The following TMEM132C variants were observed in gnomAD, a reference collection of about 807,000 sequenced individuals.
The protein encoded by TMEM132C is protein phosphatase 1, regulatory subunit 152.
A neutral mutation model predicts 61.4 loss-of-function variants in TMEM132C; 29 were observed. The observed-to-expected ratio is 0.47, with a 90% CI of 0.35 to 0.64. The LOEUF (loss-of-function observed/expected upper bound fraction) is 0.64, where lower values mean the gene tolerates loss of function less well. Ranked by LOEUF, TMEM132C falls within the 30% of genes least tolerant of loss-of-function variation. TMEM132C has a pLI of 0.00. For missense variants in TMEM132C, 1,408 were observed against 1,476.9 expected, an observed-to-expected ratio of 0.95 and a Z score of 0.76; for synonymous variants, 656 against 633.1, an observed-to-expected ratio of 1.04 and a Z score of -0.54.
At chr12:128,654,739 A>G (rs1357964002) in intron 4 of TMEM132C, among the ~76,000 whole-genome samples, 6 of 152,168 alleles carry the variant, frequency 3.9e-5, no homozygotes, top group Non-Finnish European at 5.9e-5. Context: ...GGTTTTAGAC[A>G]TGGATCTTAA....
intron 3 of TMEM132C, among the ~76,000 whole-genome samples, chr12:128,604,995 G>GATA (rs3044819): frequency 1 from 151,195 of 151,312 alleles, 75,539 homozygotes; most frequent in Middle Eastern, 1. Flanking sequence ...CGGATGGATA[G>GATA]ATAAATGGAC....
At chr12:128,553,514 G>A (rs1471375504) in intron 3 of TMEM132C, among the ~76,000 whole-genome samples, 1 of 151,978 alleles carries the variant, frequency 6.6e-6, no homozygotes, top group African/African-American at 2.4e-5. Flanking sequence ...ACTTAACGTT[G>A]CCAAAGTACT....
chr12:128,351,433 A>G (rs1172693325), intron 1 of TMEM132C, among the ~76,000 whole-genome samples: 2 of 152,194 alleles, frequency 1.3e-5, no homozygotes, highest in Non-Finnish European at 2.9e-5. Flanking sequence ...ATATATTGAT[A>G]TATATGAATG....
rs1350074232 is a variant in TMEM132C at position 128,693,814 on chromosome 12, CCTCT to C, written c.1450-14_1450-11del. 1.3e-6 allele frequency: 2 copies of C among 1,551,650 alleles called. No homozygotes were observed. Among genetic ancestry groups the C allele is most frequent in the South Asian group, 2.4e-5 (2 of 84,036 alleles). On this transcript the variant is annotated splice_polypyrimidine_tract_variant and intron_variant, in intron 5 of 8. Coordinates refer to ENST00000435159, the MANE Select transcript of TMEM132C (RefSeq NM_001136103.3). ...ATGAACTTCTCCTCCATCCTTTCTC[CCTCT>C]GTCTTTGCAGGTGTCTGAGCGCTGT...
intron 2 of TMEM132C, among the ~76,000 whole-genome samples, chr12:128,456,944 C>T (rs979258452): frequency 3.3e-5 from 5 of 152,018 alleles, no homozygotes; most frequent in African/African-American, 9.7e-5. Flanking sequence ...TCCTTAGCTC[C>T]GCGTGTTTTG....
intron 5 of TMEM132C, among the ~76,000 whole-genome samples, chr12:128,681,191 GCTGGTCTCAAACTC>G: frequency 6.6e-6 from 1 of 152,256 alleles, no homozygotes; most frequent in South Asian, 2.1e-4. Flanking sequence ...TGTTGGCCAG[GCTGGTCTCAAACTC>G]CTGACCTCAA....
At chr12:128,535,038 A>G (rs115969878) in intron 2 of TMEM132C, among the ~76,000 whole-genome samples, 1 of 152,252 alleles carries the variant, frequency 6.6e-6, no homozygotes, top group Non-Finnish European at 1.5e-5. Flanking sequence ...GAAGGTGTCC[A>G]TGCTATGAAC....
At chr12:128,286,567 G>T (rs1454474616) in intron 1 of TMEM132C, among the ~76,000 whole-genome samples, 1 of 152,234 alleles carries the variant, frequency 6.6e-6, no homozygotes, top group African/African-American at 2.4e-5. Context: ...CAGCTTTCAA[G>T]TGTGGACAGC....
intron 1 of TMEM132C, among the ~76,000 whole-genome samples, chr12:128,280,589 T>A (rs1426982877): frequency 6.6e-6 from 1 of 152,182 alleles, no homozygotes; most frequent in African/African-American, 2.4e-5. Flanking sequence ...ATAAGGTATC[T>A]TTTGAGTGGA....
At chr12:128,291,611 C>A (rs1457020078) in intron 1 of TMEM132C, among the ~76,000 whole-genome samples, 1 of 152,180 alleles carries the variant, frequency 6.6e-6, no homozygotes, top group African/African-American at 2.4e-5. Flanking sequence ...CTGCTGTTCC[C>A]GTAACTCAGG....
intron 6 of TMEM132C, among the ~76,000 whole-genome samples, chr12:128,695,221 A>T (rs1471336146): frequency 3.3e-5 from 5 of 152,166 alleles, no homozygotes; most frequent in Non-Finnish European, 7.3e-5. Flanking sequence ...ATTTTTATTT[A>T]TTTAAATTAA....
rs1010886310 is a variant in TMEM132C, at chr12:128,330,596, GA to G, written c.85+63116del. 9.9e-4 allele frequency among the ~76,000 whole-genome samples: 150 copies of G among 152,106 alleles called. 2 individuals carry two copies. The highest frequency in any genetic ancestry group is 3.3e-3 in the African/African-American group (135 of 41,500). On this transcript the variant is annotated intron_variant, in intron 1 of 8. Transcript: ENST00000435159. ...TGTATATCATTTAATAGATTGATTT[GA>G]AAAAAACTCATTTTATTCATTTTAT...
intron 3 of TMEM132C, among the ~76,000 whole-genome samples, chr12:128,582,332 A>G (rs1404008463): frequency 1.3e-5 from 2 of 152,146 alleles, no homozygotes; most frequent in Non-Finnish European, 2.9e-5. Context: ...CAAGCATTTC[A>G]TAATCTCACA....
intron 4 of TMEM132C, among the ~76,000 whole-genome samples, chr12:128,652,246 G>A (rs1205610465): frequency 6.6e-6 from 1 of 152,162 alleles, no homozygotes; most frequent in Non-Finnish European, 1.5e-5. Flanking sequence ...CACATCAAAG[G>A]GATTTCTTGT....
intron 3 of TMEM132C, among the ~76,000 whole-genome samples, chr12:128,602,676 G>A (rs1363810938): frequency 1.3e-5 from 2 of 152,242 alleles, no homozygotes; most frequent in Non-Finnish European, 2.9e-5. Context: ...ACTGAGGCCA[G>A]GTTCAGACTT....
chr12:128,649,722 G>A (rs1954248791), intron 4 of TMEM132C, among the ~76,000 whole-genome samples: 1 of 152,194 alleles, frequency 6.6e-6, no homozygotes, highest in Non-Finnish European at 1.5e-5. Flanking sequence ...CATTTCTCAG[G>A]CAAGTTGGTG....
At chr12:128,355,283 G>T (rs960542076) in intron 1 of TMEM132C, among the ~76,000 whole-genome samples, 2 of 152,128 alleles carry the variant, frequency 1.3e-5, no homozygotes, top group Non-Finnish European at 2.9e-5. Context: ...AGGAGGGAAG[G>T]GATCTCTCTG....
At chr12:128,300,902 A>G (rs1387093285) in intron 1 of TMEM132C, among the ~76,000 whole-genome samples, 2 of 152,122 alleles carry the variant, frequency 1.3e-5, no homozygotes, top group Non-Finnish European at 2.9e-5. Context: ...TTTGTCAGAC[A>G]TGGTCATGTA....
chr12:128,395,660 T>A (rs1391476350), intron 1 of TMEM132C, among the ~76,000 whole-genome samples: 1 of 152,212 alleles, frequency 6.6e-6, no homozygotes, highest in Non-Finnish European at 1.5e-5. Context: ...GAATATCTCA[T>A]GTAATTTGTT....
Sources: allele counts gnomAD v4.1 joint callset (sites outside exome capture counted in the v4.1 genomes callset), GRCh38; gene constraint gnomAD v4.1.1; transcripts MANE v1.5; gene names NCBI Gene and HGNC (gene_info 2026-07-23, HGNC 2026-07-21).